The following ZNF496 variants were observed in gnomAD, a reference collection of about 807,000 sequenced individuals.
The protein encoded by ZNF496 is zinc finger protein 496.
In ZNF496, 11 loss-of-function variants were observed where a neutral mutation model predicts 58.9. The observed-to-expected ratio is 0.19, with a 90% confidence interval of 0.12 to 0.31. The LOEUF is 0.31. Ranked by LOEUF, ZNF496 falls within the 10% of genes least tolerant of loss-of-function variation. The pLI, the probability that ZNF496 is intolerant of heterozygous loss-of-function variation, is 1.00. For synonymous variants in ZNF496, 338 were observed against 318.2 expected, an observed-to-expected ratio of 1.06 and a Z score of -0.66; for missense variants, 660 against 783.0, an observed-to-expected ratio of 0.84 and a Z score of 1.88.
At position 247,300,291 on chromosome 1, in the gene ZNF496, C is replaced by G. The variant is rs1659197093; in HGVS notation, c.*228G>C. 2.2e-6 allele frequency: 1 copy of G among 448,794 alleles called. No homozygotes were observed. Among genetic ancestry groups the G allele is most frequent in the African/African-American group, 2.0e-5 (1 of 51,066 alleles). 27.8% of individuals were successfully genotyped at this position (448,794 alleles called of 1,614,324 possible). A position where few individuals can be genotyped will look rare whatever the true frequency, so the allele number is the denominator to read the frequency against. On this transcript the variant is annotated 3_prime_UTR_variant, in exon 10 of 10. Transcript: ENST00000682384. The surrounding 1 kb of genome is among the most constrained non-coding windows in gnomAD (Gnocchi z 5.7). ...CAACCTGGTGATGGCACATCCCCCCCGTTTTTTGGCACAGCAGAAACAGAA... is the reference window on the plus strand; with the variant it reads ...CAACCTGGTGATGGCACATCCCCCCGGTTTTTTGGCACAGCAGAAACAGAA...
At chr1:247,328,162 T>C (rs1419124914) in intron 5 of ZNF496, among the ~76,000 whole-genome samples, 5 of 152,200 alleles carry the variant, frequency 3.3e-5, no homozygotes, top group Non-Finnish European at 7.4e-5. Context: ...TTCATATACA[T>C]ACTCAAACTA....
chr1:247,310,634 T>A, intron 6 of ZNF496, 178 bp from the exon 7 acceptor site: 1 of 747,932 alleles, frequency 1.3e-6, no homozygotes, highest in Admixed American at 2.9e-5. Flanking sequence ...GCAGGCTGGG[T>A]GCCTGGTGAG....
intron 4 of ZNF496, 133 bp from the exon 5 acceptor site, chr1:247,328,999 G>A (rs768850501): frequency 2.8e-5 from 39 of 1,384,104 alleles, no homozygotes; most frequent in East Asian, 1.2e-4. Flanking sequence ...AAAGGGGCAC[G>A]ACACTATCAT....
At chr1:247,303,104 C>T (rs1425327027) in intron 9 of ZNF496, among the ~76,000 whole-genome samples, 1 of 152,170 alleles carries the variant, frequency 6.6e-6, no homozygotes, top group Non-Finnish European at 1.5e-5. Flanking sequence ...TAGGGTCTTT[C>T]AAGAAGTAAT....
At position 247,329,231 on chromosome 1, in the gene ZNF496, C is replaced by G; in HGVS notation, c.348G>C (p.Ala116=). The change falls in exon 4 of 10, where the codon GCG becomes GCC. Residue 116 remains alanine (A), a synonymous_variant. Coordinates refer to ENST00000682384, the MANE Select transcript of ZNF496 (RefSeq NM_032752.3). The surrounding 1 kb of genome is among the most constrained non-coding windows in gnomAD (Gnocchi z 5.5). ...EPESGEQAVA[A]VEALEREPGR... ...CGGGCTCCCGTTCCAGTGCCTCCAC[C>G]GCGGCCACAGCCTGCTCTCCGCTCT... 1 of 1,613,602 alleles carries G rather than the reference C, an allele frequency of 6.2e-7. No homozygotes were observed. Among genetic ancestry groups the G allele is most frequent in the Non-Finnish European group, 8.5e-7 (1 of 1,180,024 alleles).
At chr1:247,328,921 TG>T (rs1190483506) in intron 4 of ZNF496, 55 bp from the exon 5 acceptor site, 4 of 1,532,222 alleles carry the variant, frequency 2.6e-6, no homozygotes, top group South Asian at 1.3e-5. Flanking sequence ...CATCTCTCCC[TG>T]GGCCTGGTGA....
chr1:247,310,582 C>T, intron 6 of ZNF496, 126 bp from the exon 7 acceptor site: 1 of 1,306,426 alleles, frequency 7.7e-7, no homozygotes, highest in Non-Finnish European at 1.0e-6. Flanking sequence ...GAAATCTGTT[C>T]CTCACAGTTC....
chr1:247,317,228 A>G (rs1036072335), intron 6 of ZNF496, among the ~76,000 whole-genome samples: 1 of 152,134 alleles, frequency 6.6e-6, no homozygotes, highest in African/African-American at 2.4e-5. Flanking sequence ...AGTATGTGCT[A>G]AGTTCACTGG....
At chr1:247,326,830 C>G (rs1394385973) in intron 5 of ZNF496, among the ~76,000 whole-genome samples, 1 of 152,166 alleles carries the variant, frequency 6.6e-6, no homozygotes, top group Non-Finnish European at 1.5e-5. Flanking sequence ...GACACAGACA[C>G]ACACAAAGGA....
rs1659475755 is a variant in ZNF496, at chr1:247,308,163, CA to C, written c.1006+311del. On this transcript the variant is annotated intron_variant, in intron 9 of 9. Transcript: ENST00000682384. The surrounding 1 kb of genome is among the most constrained non-coding windows in gnomAD (Gnocchi z 4.5). ...GGAGTGAGCTGGAGAATGACCCCAGCACAACGGAATCAGGGCAAGCAGCTAA... is the reference window on the plus strand; with the variant it reads ...GGAGTGAGCTGGAGAATGACCCCAGCCAACGGAATCAGGGCAAGCAGCTAA... 2.9e-6 allele frequency: 1 copy of C among 346,154 alleles called. No individual in the cohort carries two copies. Among genetic ancestry groups the C allele is most frequent in the Non-Finnish European group, 4.1e-6 (1 of 245,774 alleles). 21.4% of individuals were successfully genotyped at this position (346,154 alleles called of 1,614,324 possible). A position where few individuals can be genotyped will look rare whatever the true frequency, so the allele number is the denominator to read the frequency against.
rs1017966053 is a variant in ZNF496 at position 247,329,789 on chromosome 1, A to T, written c.-37-174T>A. Reference sequence around the variant, plus strand: ...TTTACACACAGGATGAAACAGACAGAAAGATGCCCTCCCCCCATCAGTACC... The same window carrying T: ...TTTACACACAGGATGAAACAGACAGTAAGATGCCCTCCCCCCATCAGTACC... On this transcript the variant is annotated intron_variant, in intron 3 of 9. Coordinates refer to ENST00000682384, the MANE Select transcript of ZNF496 (RefSeq NM_032752.3). The surrounding 1 kb of genome is among the most constrained non-coding windows in gnomAD (Gnocchi z 5.5). Among the ~76,000 whole-genome samples the T allele has an allele frequency of 6.6e-6, 1 of 152,158 alleles. No homozygotes were observed. Among genetic ancestry groups the T allele is most frequent in the African/African-American group, 2.4e-5 (1 of 41,442 alleles).
At position 247,329,437 on chromosome 1, in the gene ZNF496, AACGGCGGAAGAG is replaced by A; in HGVS notation, c.130_141del (p.Leu44_Arg47del). 6.2e-7 allele frequency: 1 copy of A among 1,613,118 alleles called. No individual in the cohort carries two copies. The highest frequency in any genetic ancestry group is 8.5e-7 in the Non-Finnish European group (1 of 1,179,710). ...GGGCCCGCCGCCTCCTGGTAGCGGA[AACGGCGGAAGAG>A]ACGCCGAGAGGACTCGGGGCTGGGA... On this transcript the variant is annotated inframe_deletion, in exon 4 of 10. Coordinates refer to ENST00000682384, the MANE Select transcript of ZNF496 (RefSeq NM_032752.3). The surrounding 1 kb of genome is among the most constrained non-coding windows in gnomAD (Gnocchi z 5.5).
intron 5 of ZNF496, among the ~76,000 whole-genome samples, chr1:247,327,885 C>A (rs1012633761): frequency 1.3e-5 from 2 of 152,034 alleles, no homozygotes; most frequent in African/African-American, 2.4e-5. Context: ...GAGGAACCCA[C>A]GGGCCAGACT....
Position 247,328,841 on chromosome 1 carries a change from A to G in ZNF496, c.416T>C (p.Val139Ala). 1 of 1,606,968 alleles carries G rather than the reference A, an allele frequency of 6.2e-7. No individual in the cohort carries two copies. ...CAGAGGGCTGTCCCCATCATCAATC[A>G]CCACAGGGTCTTCACAGTGCTTGAG... is the stretch of plus-strand genomic sequence containing the variant. ...QWLKHCEDPVVIDDGDSPLDQ... is the reference protein window; with the variant it reads ...QWLKHCEDPVAIDDGDSPLDQ... Residue 139 changes from valine (V) to alanine (A), a missense_variant, in exon 5 of 10, where the codon GTG becomes GCG. Coordinates refer to ENST00000682384, the MANE Select transcript of ZNF496 (RefSeq NM_032752.3).
chr1:247,313,557 G>A (rs1160636514), intron 6 of ZNF496: 8 of 152,156 alleles, frequency 5.3e-5, no homozygotes, highest in African/African-American at 1.9e-4. Context: ...TGCGCTGCTG[G>A]GCAATGTCCA....
chr1:247,313,109 GCT>G (rs768212118), intron 6 of ZNF496: 6 of 152,236 alleles, frequency 3.9e-5, no homozygotes, highest in African/African-American at 7.2e-5. Context: ...GGGCAAGGCT[GCT>G]CTCTGAGGCC....
At position 247,329,826 on chromosome 1, in the gene ZNF496, A is replaced by G. The variant is rs1213513971; in HGVS notation, c.-38+140T>C. ...CCCCCATCAGTACCATTACGTGTGG[A>G]TTCCCGTTAAGTGGGTGACTGGATG... On this transcript the variant is annotated intron_variant, in intron 3 of 9. Coordinates refer to ENST00000682384, the MANE Select transcript of ZNF496 (RefSeq NM_032752.3). This position sits in a 1 kb window ranked among gnomAD's most constrained non-coding sequence, Gnocchi z 5.5. 2.3e-6 allele frequency: 1 copy of G among 433,852 alleles called. No homozygotes were observed. The highest frequency in any genetic ancestry group is 2.1e-5 in the African/African-American group (1 of 48,660). 26.9% of individuals were successfully genotyped at this position (433,852 alleles called of 1,614,324 possible). A position where few individuals can be genotyped will look rare whatever the true frequency, so the allele number is the denominator to read the frequency against.
At chr1:247,301,372 A>C in intron 9 of ZNF496, 96 bp from the exon 10 acceptor site, 1 of 1,423,886 alleles carries the variant, frequency 7.0e-7, no homozygotes, top group Non-Finnish European at 9.2e-7. Context: ...GAGTTTACAA[A>C]CCCGTGTTTT....
chr1:247,323,375 G>C, intron 5 of ZNF496, 145 bp from the exon 6 acceptor site: 1 of 597,012 alleles, frequency 1.7e-6, no homozygotes, highest in South Asian at 2.1e-5. Context: ...CTGTTTCATG[G>C]TGCTTTTCAT....
Sources: gnomAD v4.1 joint callset for allele counts (sites outside exome capture counted in the v4.1 genomes callset) on GRCh38, gnomAD v4.1.1 for gene constraint, Gnocchi (gnomAD v3.1) non-coding constraint, MANE v1.5 for transcripts, NCBI Gene and HGNC (gene_info 2026-07-23, HGNC 2026-07-21) for gene names.